SMAD3: variants seen among roughly 807,000 people sequenced by gnomAD.
SMAD3 encodes the protein SMAD family member 3.
In SMAD3, 12 loss-of-function variants were observed where a neutral mutation model predicts 51.8. The observed-to-expected ratio is 0.23, with a 90% CI of 0.15 to 0.38. The LOEUF is 0.38. Ranked by LOEUF, SMAD3 falls within the 10% of genes least tolerant of loss-of-function variation. The pLI is 1.00. For synonymous variants in SMAD3, 238 were observed against 227.7 expected, an observed-to-expected ratio of 1.05 and a Z score of -0.41; for missense variants, 294 against 565.6, an observed-to-expected ratio of 0.52 and a Z score of 4.87.
intron 1 of SMAD3, among the ~76,000 whole-genome samples, chr15:67,155,974 G>A (rs995689163): frequency 8.0e-6 from 1 of 125,726 alleles, no homozygotes; most frequent in Non-Finnish European, 1.7e-5. Context: ...TGACAAGAGC[G>A]AAACTCCATC....
rs762101727 is a variant in SMAD3 at position 67,066,180 on chromosome 15, C to T, written c.26C>T (p.Pro9Leu). 4 of 1,608,218 alleles carry T rather than the reference C, an allele frequency of 2.5e-6. No homozygotes were observed. The highest frequency in any genetic ancestry group is 2.2e-5 in the East Asian group (1 of 44,644). MSSILPFT[P>L]PIVKRLLGWK... Reference sequence around the variant, plus strand: ...ATGTCGTCCATCCTGCCTTTCACTCCCCCGATCGTGAAGCGCCTGCTGGGC... The same window carrying T: ...ATGTCGTCCATCCTGCCTTTCACTCTCCCGATCGTGAAGCGCCTGCTGGGC... The change falls in exon 1 of 9, where the codon CCC becomes CTC. Residue 9 changes from proline (P) to leucine (L), a missense_variant. Physicochemically the swap from Pro to Leu is moderately conservative, Grantham distance 98 (BLOSUM62 -3). Around this residue, in one of 3 missense-constraint regions of SMAD3, gnomAD observed 147 missense variants for 260.9 expected, o/e 0.56. Coordinates refer to ENST00000327367, the MANE Select transcript of SMAD3 (RefSeq NM_005902.4).
chr15:67,164,919 G>GTCC lies in SMAD3; in HGVS notation c.232_234dup (p.Ser78dup). 1 of 1,613,264 alleles carries GTCC rather than the reference G, an allele frequency of 6.2e-7. No individual in the cohort carries two copies. The highest frequency in any genetic ancestry group is 8.5e-7 in the Non-Finnish European group (1 of 1,180,046). ...GGTCCCTGGATGGCCGGTTGCAGGT[G>GTCC]TCCCATCGGAAGGGGCTCCCTCATG... On this transcript the variant is annotated inframe_insertion, in exon 2 of 9. Transcript: ENST00000327367.
rs536010162 is a variant in SMAD3, at chr15:67,166,941, C to T, written c.607+88C>T. The T allele has an allele frequency of 6.4e-3, 6,473 of 1,008,494 alleles. 21 individuals are homozygous for T. The highest frequency in any genetic ancestry group is 8.9e-3 in the Non-Finnish European group (5,781 of 653,008). 62.5% of individuals were successfully genotyped at this position (1,008,494 alleles called of 1,614,324 possible). ...CCATCCCTTCCTCTTCGCCCTCTCCCTCCCTCCCTTCTATCTCTCTCTCCA... is the reference window on the plus strand; with the variant it reads ...CCATCCCTTCCTCTTCGCCCTCTCCTTCCCTCCCTTCTATCTCTCTCTCCA... On this transcript the variant is annotated intron_variant, in intron 4 of 8. Transcript: ENST00000327367.
chr15:67,194,492 A>G lies in SMAD3; in HGVS notation c.*3956A>G. 4.3e-6 allele frequency: 1 copy of G among 233,212 alleles called. No individual in the cohort carries two copies. The highest frequency in any genetic ancestry group is 8.5e-6 in the Non-Finnish European group (1 of 117,952). The allele number at this position is 233,212 out of a possible 1,614,324, so 14.4% of individuals were successfully genotyped here. ...ATTGAGAAATTCTCAGTGATTCTGC[A>G]ATGGATTTTTTTTTAATGCAGAAGT... On this transcript the variant is annotated 3_prime_UTR_variant, in exon 9 of 9. Coordinates refer to ENST00000327367, the MANE Select transcript of SMAD3 (RefSeq NM_005902.4).
chr15:67,089,332 C>A (rs1368004334), intron 1 of SMAD3, among the ~76,000 whole-genome samples: 1 of 152,198 alleles, frequency 6.6e-6, no homozygotes, highest in Admixed American at 6.5e-5. Context: ...TTCCTTCAAT[C>A]TATGCCAGTC....
At position 67,191,742 on chromosome 15, in the gene SMAD3, A is replaced by C. The variant is rs938408080; in HGVS notation, c.*1206A>C. 1 of 230,292 alleles carries C rather than the reference A, an allele frequency of 4.3e-6. No individual in the cohort carries two copies. The highest frequency in any genetic ancestry group is 2.2e-5 in the African/African-American group (1 of 45,186). The allele number at this position is 230,292 out of a possible 1,614,324, so 14.3% of individuals were successfully genotyped here. A position where few individuals can be genotyped will look rare whatever the true frequency, so the allele number is the denominator to read the frequency against. ...CTCAGGCCAACATAGGCAAATGAAAAGGGCTATTAAAATATTTTTACACCT... is the reference window on the plus strand; with the variant it reads ...CTCAGGCCAACATAGGCAAATGAAACGGGCTATTAAAATATTTTTACACCT... On this transcript the variant is annotated 3_prime_UTR_variant, in exon 9 of 9. Transcript: ENST00000327367.
intron 1 of SMAD3, among the ~76,000 whole-genome samples, chr15:67,081,319 A>G (rs1960276165): frequency 6.6e-6 from 1 of 152,112 alleles, no homozygotes; most frequent in Non-Finnish European, 1.5e-5. Flanking sequence ...CTTGTGGGTA[A>G]GGCTGGAAGC....
At position 67,191,295 on chromosome 15, in the gene SMAD3, T is replaced by C; in HGVS notation, c.*759T>C. 4.3e-6 allele frequency: 1 copy of C among 233,460 alleles called. No individual in the cohort carries two copies. The allele number at this position is 233,460 out of a possible 1,614,324, so 14.5% of individuals were successfully genotyped here. On this transcript the variant is annotated 3_prime_UTR_variant, in exon 9 of 9. Coordinates refer to ENST00000327367, the MANE Select transcript of SMAD3 (RefSeq NM_005902.4). ...CTGCTGAGGCCCAGTGCATATGCAA[T>C]GTATAGTGTCTATTATCACATTAAT... is the stretch of plus-strand genomic sequence containing the variant.
At chr15:67,081,120 C>T (rs954944940) in intron 1 of SMAD3, among the ~76,000 whole-genome samples, 1 of 152,184 alleles carries the variant, frequency 6.6e-6, no homozygotes, top group Non-Finnish European at 1.5e-5. Context: ...GTGCCCCTGT[C>T]GTTAGCCTTT....
chr15:67,146,225 T>G (rs17227716), intron 1 of SMAD3: 4,300 of 152,364 alleles, frequency 0.028, 103 homozygotes, highest in Non-Finnish European at 0.046. Flanking sequence ...CTTAAATGTT[T>G]CCTAGATTGA....
intron 1 of SMAD3, chr15:67,077,873 T>A (rs1486440325): frequency 2.6e-5 from 4 of 152,296 alleles, no homozygotes; most frequent in African/African-American, 9.6e-5. Context: ...TCAAGGGCTT[T>A]GGCTTGCCAA....
At chr15:67,109,622 A>G (rs906389824) in intron 1 of SMAD3, among the ~76,000 whole-genome samples, 1 of 152,218 alleles carries the variant, frequency 6.6e-6, no homozygotes, top group Non-Finnish European at 1.5e-5. Context: ...GAGCCATGGA[A>G]TAATTAAAAC....
chr15:67,144,335 T>G (rs1595926469), intron 1 of SMAD3, among the ~76,000 whole-genome samples: 1 of 152,198 alleles, frequency 6.6e-6, no homozygotes, highest in East Asian at 1.9e-4. Context: ...TAGTAGTGAC[T>G]TTTTGTGGTT....
intron 1 of SMAD3, among the ~76,000 whole-genome samples, chr15:67,101,250 G>A (rs932327059): frequency 3.3e-5 from 5 of 152,056 alleles, no homozygotes; most frequent in Admixed American, 1.3e-4. Context: ...TTCTCTTTTT[G>A]ACTATGAACA....
intron 1 of SMAD3, among the ~76,000 whole-genome samples, chr15:67,071,353 C>G (rs1249614496): frequency 6.6e-6 from 1 of 152,170 alleles, no homozygotes; most frequent in Non-Finnish European, 1.5e-5. Context: ...GTAACTGGCA[C>G]TGAACAGCTA....
intron 1 of SMAD3, among the ~76,000 whole-genome samples, chr15:67,071,122 A>G (rs1229711390): frequency 3.3e-5 from 5 of 152,182 alleles, no homozygotes; most frequent in Non-Finnish European, 2.9e-5. Flanking sequence ...AGTGCCCAGC[A>G]ATGTGGAAAC....
chr15:67,126,136 T>G (rs892857132), intron 1 of SMAD3, among the ~76,000 whole-genome samples: 1 of 152,146 alleles, frequency 6.6e-6, no homozygotes, highest in African/African-American at 2.4e-5. Context: ...CCAGCAGTCG[T>G]GTTTGAGAAT....
intron 1 of SMAD3, among the ~76,000 whole-genome samples, chr15:67,145,702 A>G (rs915573738): frequency 1.3e-5 from 2 of 152,194 alleles, no homozygotes; most frequent in African/African-American, 2.4e-5. Context: ...CACTTCCCAC[A>G]TGGCCCCTTT....
At chr15:67,154,733 A>C (rs1193095406) in intron 1 of SMAD3, among the ~76,000 whole-genome samples, 1 of 152,232 alleles carries the variant, frequency 6.6e-6, no homozygotes, top group Non-Finnish European at 1.5e-5. Flanking sequence ...ATTATAGGCT[A>C]ATTTTTTATA....
Sources: allele counts gnomAD v4.1 joint callset (sites outside exome capture counted in the v4.1 genomes callset), GRCh38; gene constraint gnomAD v4.1.1; regional missense constraint gnomAD v4.1.1; transcripts MANE v1.5; gene names NCBI Gene and HGNC (gene_info 2026-07-23, HGNC 2026-07-21).